Variants in RBFOX1 observed in about 807,000 individuals in gnomAD.
RBFOX1 encodes RNA binding protein fox-1 homolog 1.
A neutral mutation model predicts 57.7 loss-of-function variants in RBFOX1; 8 were observed. The observed-to-expected ratio is 0.14, with a 90% CI of 0.08 to 0.25. The LOEUF (loss-of-function observed/expected upper bound fraction) is 0.25, where lower values mean the gene tolerates loss of function less well. Ranked by LOEUF, RBFOX1 falls within the 10% of genes least tolerant of loss-of-function variation. RBFOX1 has a pLI of 1.00. For missense variants in RBFOX1, 611 were observed against 548.5 expected (o/e 1.11, Z -1.14); for synonymous variants, 326 against 222.4 (o/e 1.47, Z -4.15).
At chr16:7,475,459 C>T (rs1410165731) in intron 4 of RBFOX1, among the ~76,000 whole-genome samples, 2 of 152,056 alleles carry the variant, frequency 1.3e-5, no homozygotes, top group Admixed American at 6.5e-5. Context: ...GGACTGCAGG[C>T]GCATGCCACC....
intron 4 of RBFOX1, among the ~76,000 whole-genome samples, chr16:7,373,656 A>C (rs1167984811): frequency 1.3e-5 from 2 of 151,848 alleles, no homozygotes; most frequent in African/African-American, 4.8e-5. Context: ...CAGAATAAGA[A>C]GTGGTGTCTG....
In RBFOX1 at chr16:6,423,423, AC is replaced by A. The variant is rs2093831492; in HGVS notation, c.-64+106370del. 3.3e-5 allele frequency among the ~76,000 whole-genome samples: 5 copies of A among 151,730 alleles called. No individual in the cohort carries two copies. In the South Asian group the frequency reaches 1.0e-3, roughly 32 times the overall value. ...GGACCAGCCTGGGCAACATGGTGAG[AC>A]CCCGTCTCTACTAAAAATACAAAAA... is the stretch of plus-strand genomic sequence containing the variant. On this transcript the variant is annotated intron_variant, in intron 2 of 15. Transcript: ENST00000550418.
intron 3 of RBFOX1, chr16:7,004,067 C>T (rs997618334): frequency 6.6e-6 from 1 of 150,512 alleles, no homozygotes; most frequent in South Asian, 2.1e-4. Context: ...ATACCACCTT[C>T]TCTGTATCAT....
At chr16:6,646,696 GT>G (rs1486021767) in intron 2 of RBFOX1, among the ~76,000 whole-genome samples, 3 of 151,926 alleles carry the variant, frequency 2.0e-5, no homozygotes, top group Non-Finnish European at 4.4e-5. Flanking sequence ...TCCTCACCTC[GT>G]TTCTCAGTGG....
chr16:7,068,222 A>G (rs1188047589), intron 4 of RBFOX1, among the ~76,000 whole-genome samples: 1 of 152,140 alleles, frequency 6.6e-6, no homozygotes, highest in Non-Finnish European at 1.5e-5. Context: ...TAGATCTAAG[A>G]TCAGCCAGCC....
intron 4 of RBFOX1, among the ~76,000 whole-genome samples, chr16:7,205,631 C>A (rs569512572): frequency 6.6e-6 from 1 of 152,112 alleles, no homozygotes; most frequent in South Asian, 2.1e-4. Context: ...TTACAAAATA[C>A]GATACATTTT....
rs1166466869 is a variant in RBFOX1 at position 6,554,735 on chromosome 16, C to G, written c.-63-99868C>G. Among the ~76,000 whole-genome samples, 6 of 145,554 alleles carry G rather than the reference C, an allele frequency of 4.1e-5. No homozygotes were observed. In the South Asian group the frequency reaches 1.1e-3, roughly 26 times the overall value. The stretch of plus-strand genomic sequence containing the variant: ...CCTCCAGTAGACACAGACACACACA[C>G]ACACACACACACACACACACACAGA... On this transcript the variant is annotated intron_variant, in intron 2 of 15. Transcript: ENST00000550418.
chr16:5,282,078 G>A lies in RBFOX1; in HGVS notation c.219+41973G>A, dbSNP rs145807113. On this transcript the variant is annotated intron_variant, in intron 1 of 2. Transcript: ENST00000585867. ...CAGTGGGACGTAGTTGAATTGTGGCGGCAGGTCTTTACCATGCTATTCTTT... is the reference window on the plus strand; with the variant it reads ...CAGTGGGACGTAGTTGAATTGTGGCAGCAGGTCTTTACCATGCTATTCTTT... Among the ~76,000 whole-genome samples the A allele has an allele frequency of 4.8e-4, 73 of 152,236 alleles. 1 individual carries two copies. In the East Asian group the frequency reaches 0.01, roughly 22 times the overall value.
chr16:6,395,916 A>T (rs1469064496), intron 2 of RBFOX1, among the ~76,000 whole-genome samples: 1 of 151,928 alleles, frequency 6.6e-6, no homozygotes, highest in Non-Finnish European at 1.5e-5. Context: ...AATACAAAAA[A>T]TTAGCTGGTC....
In RBFOX1 at chr16:7,391,938, C is replaced by G. The variant is rs1212819332; in HGVS notation, c.28-126209C>G. Among the ~76,000 whole-genome samples the G allele has an allele frequency of 2.6e-5, 4 of 152,322 alleles. No homozygotes were observed. In the East Asian group the frequency reaches 5.8e-4, roughly 22 times the overall value. ...CTTGCGTTAGTTTACCTTATGCACT[C>G]CATCGCAGCCTAAACTGTCACTGAT... On this transcript the variant is annotated intron_variant, in intron 4 of 15. Coordinates refer to ENST00000550418, the MANE Select transcript of RBFOX1 (RefSeq NM_018723.4).
intron 2 of RBFOX1, among the ~76,000 whole-genome samples, chr16:6,522,649 G>A (rs888340494): frequency 6.6e-5 from 10 of 152,132 alleles, no homozygotes; most frequent in African/African-American, 2.2e-4. Context: ...CAGTACCGGG[G>A]TTAATACTAA....
At chr16:7,531,703 G>T (rs770501972) in intron 5 of RBFOX1, among the ~76,000 whole-genome samples, 2 of 152,154 alleles carry the variant, frequency 1.3e-5, no homozygotes, top group Non-Finnish European at 2.9e-5. Flanking sequence ...TGTAAACATA[G>T]GCCTGGCAGA....
At chr16:6,293,619 A>G (rs1021006473) in intron 1 of RBFOX1, among the ~76,000 whole-genome samples, 2 of 152,166 alleles carry the variant, frequency 1.3e-5, no homozygotes, top group African/African-American at 4.8e-5. Context: ...CTTATGCCGT[A>G]TCTTAGTGTC....
chr16:5,653,197 G>A (rs1466805807), intron 3 of RBFOX1, among the ~76,000 whole-genome samples: 1 of 152,150 alleles, frequency 6.6e-6, no homozygotes, highest in Non-Finnish European at 1.5e-5. Context: ...TGCGGAAGGT[G>A]GGGTGCTTAG....
At chr16:5,535,721 T>G (rs1198020224) in intron 2 of RBFOX1, among the ~76,000 whole-genome samples, 1 of 152,204 alleles carries the variant, frequency 6.6e-6, no homozygotes. Flanking sequence ...ATTTTCTGTT[T>G]CCCTATCAAG....
chr16:7,709,554 C>T (rs955330617), intron 15 of RBFOX1: 2 of 1,532,474 alleles, frequency 1.3e-6, no homozygotes, highest in African/African-American at 2.7e-5. Flanking sequence ...TTCCAGGCCT[C>T]TGCTGTCAGG....
At chr16:6,784,882 G>A (rs539876998) in intron 3 of RBFOX1, among the ~76,000 whole-genome samples, 3 of 152,132 alleles carry the variant, frequency 2.0e-5, no homozygotes, top group African/African-American at 4.8e-5. Flanking sequence ...CTAAGTGAAG[G>A]TCGGCTGGAG....
At position 6,164,369 on chromosome 16, in the gene RBFOX1, A is replaced by G. The variant is rs552525516; in HGVS notation, c.-127+144377A>G. 2.0e-5 allele frequency among the ~76,000 whole-genome samples: 3 copies of G among 152,248 alleles called. No homozygotes were observed. In the South Asian group the frequency reaches 6.2e-4, roughly 32 times the overall value. On this transcript the variant is annotated intron_variant, in intron 1 of 15. Transcript: ENST00000550418. ...TTCAAGTGATAGGATTGTTCTTTGC[A>G]TACCTATTTGTATCCTGAGGAATCT...
intron 5 of RBFOX1, among the ~76,000 whole-genome samples, chr16:7,571,623 G>A (rs3785244): frequency 0.39 from 58,823 of 151,932 alleles, 11,804 homozygotes; most frequent in South Asian, 0.53. Context: ...AAATTCTGCC[G>A]CACAGATCCC....
Sources: gnomAD v4.1 joint callset for allele counts (sites outside exome capture counted in the v4.1 genomes callset) on GRCh38, gnomAD v4.1.1 for gene constraint, MANE v1.5 for transcripts, NCBI Gene and HGNC (gene_info 2026-07-23, HGNC 2026-07-21) for gene names.